The following GPD1L variants were observed in gnomAD, a reference collection of about 807,000 sequenced individuals.
GPD1L encodes glycerol-3-phosphate dehydrogenase 1 like.
GPD1L carries 17 observed loss-of-function variants against 32.9 expected under a neutral mutation model. The ratio of observed to expected loss-of-function variants is 0.52; its 90% confidence interval spans 0.35 to 0.78. The LOEUF is 0.78. GPD1L is among the 30% of genes least tolerant of loss of function. The pLI is 0.01. For missense variants in GPD1L, 361 were observed against 447.8 expected (o/e 0.81, Z 1.75); for synonymous variants, 187 against 165.9 (o/e 1.13, Z -0.98).
rs1183865196 is a variant in GPD1L at position 32,168,198 on chromosome 3, C to T, written c.*2288C>T. The T allele has an allele frequency of 2.6e-5, 4 of 152,132 alleles. No individual in the cohort carries two copies. Among genetic ancestry groups the T allele is most frequent in the East Asian group, 3.9e-4 (2 of 5,182 alleles). 9.4% of individuals were successfully genotyped at this position (152,132 alleles called of 1,614,324 possible). A position where few individuals can be genotyped will look rare whatever the true frequency, so the allele number is the denominator to read the frequency against. ...TTGAACATACTTAGGATATTCTGCA[C>T]ATTATGGAAAAAGGTAAATTTTAGA... is the stretch of plus-strand genomic sequence containing the variant. On this transcript the variant is annotated 3_prime_UTR_variant, in exon 8 of 8. Transcript: ENST00000282541.
intron 2 of GPD1L, among the ~76,000 whole-genome samples, chr3:32,134,769 T>C (rs1399969866): frequency 2.6e-5 from 4 of 152,232 alleles, no homozygotes; most frequent in African/African-American, 9.6e-5. Flanking sequence ...GATTATGGCA[T>C]GAGCCACTGA....
rs144094132 is a variant in GPD1L, at chr3:32,136,535, A to G, written c.226-2052A>G. Among the ~76,000 whole-genome samples the G allele has an allele frequency of 4.9e-3, 752 of 152,282 alleles. 23 individuals are homozygous for G. The highest frequency in any genetic ancestry group is 0.042 in the Admixed American group (642 of 15,298). On this transcript the variant is annotated intron_variant, in intron 2 of 7. Transcript: ENST00000282541. ...ATGGAGGCTAGGCAATAAATTATGG[A>G]AGTCCTCCACACCTCCTGAAGGGAT...
chr3:32,168,210 A>G lies in GPD1L; in HGVS notation c.*2300A>G, dbSNP rs1158079364. On this transcript the variant is annotated 3_prime_UTR_variant, in exon 8 of 8. Transcript: ENST00000282541. ...AGGATATTCTGCACATTATGGAAAA[A>G]GGTAAATTTTAGAAGTTTCTGCTCT... 1 of 152,480 alleles carries G rather than the reference A, an allele frequency of 6.6e-6. No homozygotes were observed. The highest frequency in any genetic ancestry group is 1.5e-5 in the Non-Finnish European group (1 of 67,968). The allele number at this position is 152,480 out of a possible 1,614,324, so 9.4% of individuals were successfully genotyped here.
intron 1 of GPD1L, among the ~76,000 whole-genome samples, chr3:32,111,189 C>A (rs557522736): frequency 6.6e-6 from 1 of 152,304 alleles, no homozygotes; most frequent in South Asian, 2.1e-4. Flanking sequence ...TTTTAACCAG[C>A]ACCTTGGGAA....
chr3:32,111,899 T>A (rs17028882), intron 1 of GPD1L, among the ~76,000 whole-genome samples: 18,189 of 151,860 alleles, frequency 0.12, 1,215 homozygotes, highest in South Asian at 0.19. Flanking sequence ...TTGTCTGTGC[T>A]ACTCAGTTTC....
At chr3:32,114,648 G>C (rs746477370) in intron 1 of GPD1L, among the ~76,000 whole-genome samples, 2 of 152,202 alleles carry the variant, frequency 1.3e-5, no homozygotes, top group Non-Finnish European at 2.9e-5. Flanking sequence ...TTCCGGACTT[G>C]GTTCCTTCCG....
At chr3:32,134,136 C>T (rs1348581953) in intron 2 of GPD1L, among the ~76,000 whole-genome samples, 2 of 152,212 alleles carry the variant, frequency 1.3e-5, no homozygotes, top group Non-Finnish European at 2.9e-5. Flanking sequence ...ATTTCCAAAG[C>T]AGCTCCTGAT....
chr3:32,149,275 G>C (rs974605681), intron 5 of GPD1L, among the ~76,000 whole-genome samples: 2 of 152,088 alleles, frequency 1.3e-5, no homozygotes, highest in African/African-American at 2.4e-5. Flanking sequence ...TGTTCAGGCT[G>C]GTCTTGAACT....
intron 4 of GPD1L, among the ~76,000 whole-genome samples, chr3:32,141,472 C>A (rs892091977): frequency 1.3e-5 from 2 of 152,044 alleles, no homozygotes; most frequent in African/African-American, 4.8e-5. Flanking sequence ...GTAACAAAAA[C>A]CTTTCAGAGT....
intron 2 of GPD1L, among the ~76,000 whole-genome samples, chr3:32,133,671 T>G (rs1353373533): frequency 6.6e-6 from 1 of 152,218 alleles, no homozygotes; most frequent in African/African-American, 2.4e-5. Context: ...ATTTTAGTCC[T>G]AATTGGTTTT....
At chr3:32,109,197 C>T (rs185287428) in intron 1 of GPD1L, among the ~76,000 whole-genome samples, 4 of 152,330 alleles carry the variant, frequency 2.6e-5, no homozygotes, top group Non-Finnish European at 5.9e-5. Flanking sequence ...GTGTCAGCTC[C>T]CCTGTTGGCC....
At chr3:32,135,119 C>T (rs2125483047) in intron 2 of GPD1L, among the ~76,000 whole-genome samples, 1 of 152,302 alleles carries the variant, frequency 6.6e-6, no homozygotes, top group Non-Finnish European at 1.5e-5. Context: ...GTTTTTTCCA[C>T]TTCACCATGT....
chr3:32,128,119 CTT>C lies in GPD1L; in HGVS notation c.92_93del (p.Leu31ProfsTer13), dbSNP rs1477595109. 6 of 1,613,096 alleles carry C rather than the reference CTT, an allele frequency of 3.7e-6. No homozygotes were observed. The highest frequency in any genetic ancestry group is 5.1e-6 in the Non-Finnish European group (6 of 1,179,074). ...AKIIGNNVKK[L>X]QKFASTVKMW... ...AATAATTGGTAATAATGTCAAGAAA[CTT>C]CAGAAATTTGCCTCCACAGTCAAGA... On this transcript the variant is annotated frameshift_variant, in exon 2 of 8. Transcript: ENST00000282541. LOFTEE classifies it high-confidence loss of function.
rs1700414787 is a variant in GPD1L at position 32,121,563 on chromosome 3, ATGTATATATTTC to A, written c.48-6511_48-6500del. ...TATATATTTCTATATATATATTTCT[ATGTATATATTTC>A]TATATATATATTTCTATATATATAT... is the stretch of plus-strand genomic sequence containing the variant. On this transcript the variant is annotated intron_variant, in intron 1 of 7. Coordinates refer to ENST00000282541, the MANE Select transcript of GPD1L (RefSeq NM_015141.4). 4.5e-5 allele frequency among the ~76,000 whole-genome samples: 6 copies of A among 134,532 alleles called. 1 individual carries two copies. The highest frequency in any genetic ancestry group is 1.2e-4 in the African/African-American group (4 of 33,916). 88.3% of individuals were successfully genotyped at this position (134,532 alleles called of 152,430 possible).
Position 32,159,603 on chromosome 3 carries a change from G to A in GPD1L, c.888G>A (p.Gly296=). Residue 296 remains glycine (G), a synonymous_variant, in exon 7 of 8, where the codon GGG becomes GGA. Transcript: ENST00000282541. The stretch of plus-strand genomic sequence containing the variant: ...AGTTGGAGAAGGAGATGCTGAATGG[G>A]CAAAAGCTCCAAGGACCGCAGACTT... ...IEELEKEMLN[G]QKLQGPQTSA... is the part of the protein sequence containing the mutation. 20 of 1,612,280 alleles carry A rather than the reference G, an allele frequency of 1.2e-5. No homozygotes were observed. Among genetic ancestry groups the A allele is most frequent in the Non-Finnish European group, 1.6e-5 (19 of 1,178,626 alleles).
In GPD1L at chr3:32,165,810, C is replaced by T. The variant is rs1272143753; in HGVS notation, c.960-4C>T. The T allele has an allele frequency of 2.0e-6, 3 of 1,538,414 alleles. No individual in the cohort carries two copies. The highest frequency in any genetic ancestry group is 3.3e-5 in the Admixed American group (2 of 59,940). The stretch of plus-strand genomic sequence containing the variant: ...TTTGTCTTTTCACATTTCCTCCCAA[C>T]TAGGTTTCCATTGTTTACTGCAGTG... On this transcript the variant is annotated splice_polypyrimidine_tract_variant and splice_region_variant and intron_variant, in intron 7 of 7. Coordinates refer to ENST00000282541, the MANE Select transcript of GPD1L (RefSeq NM_015141.4).
chr3:32,143,802 C>T (rs763348919), intron 4 of GPD1L, among the ~76,000 whole-genome samples: 3 of 151,766 alleles, frequency 2.0e-5, no homozygotes, highest in Non-Finnish European at 4.4e-5. Context: ...ACATGACAAG[C>T]GAAACCTCAT....
intron 4 of GPD1L, 25 bp from the exon 5 acceptor site, chr3:32,146,597 T>G (rs762019117): frequency 7.8e-6 from 10 of 1,284,564 alleles, no homozygotes; most frequent in Admixed American, 5.0e-5. Flanking sequence ...GTTATTAATA[T>G]CCTTGTTGTC....
chr3:32,126,223 A>G (rs1481797217), intron 1 of GPD1L, among the ~76,000 whole-genome samples: 2 of 152,216 alleles, frequency 1.3e-5, no homozygotes, highest in East Asian at 3.8e-4. Flanking sequence ...ATAAATACAT[A>G]AATAAATAAA....
Sources: gnomAD v4.1 joint callset for allele counts (sites outside exome capture counted in the v4.1 genomes callset) on GRCh38, gnomAD v4.1.1 for gene constraint, MANE v1.5 for transcripts, NCBI Gene and HGNC (gene_info 2026-07-23, HGNC 2026-07-21) for gene names.